The following PSD2 variants were observed in gnomAD, a reference collection of about 807,000 sequenced individuals.
The protein encoded by PSD2 is pleckstrin and Sec7 domain containing 2, also known as PH and SEC7 domain-containing protein 2.
PSD2 carries 38 observed loss-of-function variants against 69.8 expected under a neutral mutation model. The ratio of observed to expected loss-of-function variants is 0.54; its 90% CI spans 0.42 to 0.71. The LOEUF is 0.71. Among genes scored for constraint, PSD2 ranks in the 30% least tolerant of loss-of-function variants. PSD2 has a pLI of 0.00. For synonymous variants in PSD2, 412 were observed against 423.0 expected (o/e 0.97, Z 0.32); for missense variants, 943 against 1,014.5 (o/e 0.93, Z 0.96).
intron 1 of PSD2, among the ~76,000 whole-genome samples, chr5:139,807,511 G>A (rs1463582184): frequency 6.6e-6 from 1 of 152,192 alleles, no homozygotes; most frequent in Non-Finnish European, 1.5e-5. Flanking sequence ...AACCTCTAGA[G>A]GTCTCCGATG....
chr5:139,840,200 C>T (rs1293147716), intron 14 of PSD2, 30 bp downstream of exon 14: 25 of 1,611,518 alleles, frequency 1.6e-5, no homozygotes, highest in Non-Finnish European at 2.1e-5. Flanking sequence ...ATTGCAAAGC[C>T]CAGTGCCCTG....
intron 14 of PSD2, 148 bp downstream of exon 14, chr5:139,840,318 TAGTCCCC>T (rs1407171416): frequency 2.4e-6 from 2 of 846,760 alleles, no homozygotes; most frequent in African/African-American, 3.4e-5. Context: ...CCCTGACCTT[TAGTCCCC>T]AGTCCTTCCA....
intron 1 of PSD2, among the ~76,000 whole-genome samples, chr5:139,806,142 C>A (rs918871359): frequency 1.3e-5 from 2 of 152,238 alleles, no homozygotes; most frequent in South Asian, 4.1e-4. Context: ...GAGACCCTGC[C>A]TGGAGAGGGG....
At chr5:139,809,022 A>G (rs1759881480) in intron 1 of PSD2, among the ~76,000 whole-genome samples, 1 of 152,202 alleles carries the variant, frequency 6.6e-6, no homozygotes, top group African/African-American at 2.4e-5. Flanking sequence ...GTTTGTCACC[A>G]TCACTCACCA....
At chr5:139,783,702 A>G in the PSD2 span, among the ~76,000 whole-genome samples, 61 of 152,004 alleles carry the variant, frequency 4.0e-4, no homozygotes, top group Admixed American at 4.0e-3. Context: ...CTTTTCCACG[A>G]AAACGGCTCT....
chr5:139,831,706 T>C (rs976497050), intron 7 of PSD2, among the ~76,000 whole-genome samples: 6 of 152,258 alleles, frequency 3.9e-5, no homozygotes, highest in Admixed American at 1.3e-4. Flanking sequence ...TATATCTCTC[T>C]ATATTTTATT....
chr5:139,842,782 G>T lies in PSD2; in HGVS notation c.*308G>T. ...CCTCGCTGGAGAAGCTGGAAGGGCT[G>T]TTGTCTTCCCAGGTCTTTCTCTTCT... On this transcript the variant is annotated 3_prime_UTR_variant, in exon 15 of 15. Coordinates refer to ENST00000274710, the MANE Select transcript of PSD2 (RefSeq NM_032289.4). 1 of 304,770 alleles carries T rather than the reference G, an allele frequency of 3.3e-6. No homozygotes were observed. Among genetic ancestry groups the T allele is most frequent in the Non-Finnish European group, 6.1e-6 (1 of 163,340 alleles). The allele number at this position is 304,770 out of a possible 1,614,324, so 18.9% of individuals were successfully genotyped here.
At chr5:139,799,026 G>A (rs552617270) in intron 1 of PSD2, among the ~76,000 whole-genome samples, 1 of 152,072 alleles carries the variant, frequency 6.6e-6, no homozygotes, top group East Asian at 1.9e-4. Flanking sequence ...CTCACATCCT[G>A]GATTTGTCTT....
chr5:139,836,015 A>T (rs1397926689), intron 9 of PSD2, among the ~76,000 whole-genome samples: 1 of 152,238 alleles, frequency 6.6e-6, no homozygotes, highest in Non-Finnish European at 1.5e-5. Context: ...TAGTTCTATG[A>T]TGTCCACAGC....
the PSD2 span, among the ~76,000 whole-genome samples, chr5:139,762,894 C>CGGAGT: frequency 2.6e-5 from 4 of 151,876 alleles, no homozygotes; most frequent in African/African-American, 9.7e-5. Flanking sequence ...GGGAGAGCAG[C>CGGAGT]GGAGTCGCTG....
At chr5:139,830,629 T>TTTCTTTCTTTCTTTCTTTC (rs1760569220) in intron 7 of PSD2, among the ~76,000 whole-genome samples, 1 of 134,776 alleles carries the variant, frequency 7.4e-6, no homozygotes, top group Non-Finnish European at 1.6e-5. Context: ...TTTCTTTCTC[T>TTTCTTTCTTTCTTTCTTTC]TTCTTTCTTT....
chr5:139,770,437 A>G, the PSD2 span, among the ~76,000 whole-genome samples: 17 of 152,126 alleles, frequency 1.1e-4, no homozygotes, highest in African/African-American at 3.9e-4. Flanking sequence ...GCGGACTATA[A>G]TCCCAGCTGC....
intron 14 of PSD2, among the ~76,000 whole-genome samples, chr5:139,841,706 G>A (rs1760875843): frequency 6.6e-6 from 1 of 152,212 alleles, no homozygotes; most frequent in Non-Finnish European, 1.5e-5. Flanking sequence ...TAGTAAGAGT[G>A]TGAATTGATA....
At chr5:139,804,949 G>T (rs1044267200) in intron 1 of PSD2, among the ~76,000 whole-genome samples, 4 of 151,368 alleles carry the variant, frequency 2.6e-5, no homozygotes, top group Non-Finnish European at 5.9e-5. Context: ...GTCTGCACGT[G>T]TGCGTGTGTA....
rs1317044737 is a variant in PSD2 at position 139,795,939 on chromosome 5, C to T, written c.-87C>T. 1.3e-5 allele frequency: 2 copies of T among 150,868 alleles called. No individual in the cohort carries two copies. Among genetic ancestry groups the T allele is most frequent in the African/African-American group, 4.8e-5 (2 of 41,286 alleles). 9.3% of individuals were successfully genotyped at this position (150,868 alleles called of 1,614,324 possible). ...AGCCCGGCGGCCTCCGATGGCCCCGCCGTGAGAGGCCGGACCCGCGGCGGG... is the reference window on the plus strand; with the variant it reads ...AGCCCGGCGGCCTCCGATGGCCCCGTCGTGAGAGGCCGGACCCGCGGCGGG... On this transcript the variant is annotated 5_prime_UTR_variant, in exon 1 of 15. Transcript: ENST00000274710. This position sits in a 1 kb window ranked among gnomAD's most constrained non-coding sequence, Gnocchi z 4.5.
At chr5:139,797,600 G>T (rs1039234408) in intron 1 of PSD2, among the ~76,000 whole-genome samples, 9 of 152,218 alleles carry the variant, frequency 5.9e-5, no homozygotes, top group Non-Finnish European at 1.5e-5. Flanking sequence ...AAAGATAGCT[G>T]GAAGGAATGA....
intron 1 of PSD2, among the ~76,000 whole-genome samples, chr5:139,796,849 G>C (rs1260636660): frequency 6.6e-6 from 1 of 152,232 alleles, no homozygotes; most frequent in African/African-American, 2.4e-5. Flanking sequence ...AGTCACAATG[G>C]AAGAGGGCCT....
chr5:139,827,842 A>C (rs531840887), intron 7 of PSD2, among the ~76,000 whole-genome samples: 2 of 152,330 alleles, frequency 1.3e-5, no homozygotes, highest in African/African-American at 4.8e-5. Flanking sequence ...CCCATGATCC[A>C]ATCACCTTCC....
At chr5:139,753,202 G>A in the PSD2 span, among the ~76,000 whole-genome samples, 636 of 152,296 alleles carry the variant, frequency 4.2e-3, 5 homozygotes, top group African/African-American at 0.015. Flanking sequence ...CGTGCTTCCT[G>A]AGCTGCAGCG....
Sources: gnomAD v4.1 joint callset for allele counts (sites outside exome capture counted in the v4.1 genomes callset) on GRCh38, gnomAD v4.1.1 for gene constraint, Gnocchi (gnomAD v3.1) non-coding constraint, MANE v1.5 for transcripts, NCBI Gene and HGNC (gene_info 2026-07-23, HGNC 2026-07-21) for gene names.